The following HCN1 variants were observed in gnomAD, a reference collection of about 807,000 sequenced individuals.
HCN1 encodes the protein hyperpolarization activated cyclic nucleotide gated potassium channel 1, also known as potassium/sodium hyperpolarization-activated cyclic nucleotide-gated channel 1.
A neutral mutation model predicts 78.9 loss-of-function variants in HCN1; 13 were observed. The observed-to-expected ratio is 0.16, with a 90% CI of 0.11 to 0.26. The LOEUF is 0.26. Ranked by LOEUF, HCN1 falls within the 10% of genes least tolerant of loss-of-function variation. HCN1 has a pLI of 1.00. For synonymous variants in HCN1, 552 were observed against 455.5 expected, an observed-to-expected ratio of 1.21 and a Z score of -2.70; for missense variants, 810 against 1,154.3, an observed-to-expected ratio of 0.70 and a Z score of 4.32.
intron 6 of HCN1, among the ~76,000 whole-genome samples, chr5:45,275,137 T>C (rs1745030122): frequency 6.6e-6 from 1 of 152,002 alleles, no homozygotes; most frequent in Non-Finnish European, 1.5e-5. Context: ...CTCCAGCTAC[T>C]TGGGAGGCTG....
At chr5:45,473,288 A>C (rs1579916875) in intron 2 of HCN1, among the ~76,000 whole-genome samples, 1 of 151,910 alleles carries the variant, frequency 6.6e-6, no homozygotes, top group Admixed American at 6.6e-5. Flanking sequence ...AACATCAACT[A>C]TGTTTCCTAT....
intron 5 of HCN1, among the ~76,000 whole-genome samples, chr5:45,324,600 T>A (rs1346492180): frequency 1.3e-5 from 2 of 151,848 alleles, no homozygotes; most frequent in Non-Finnish European, 2.9e-5. Context: ...AATATTTATT[T>A]ATAACTTGAA....
intron 2 of HCN1, among the ~76,000 whole-genome samples, chr5:45,496,892 G>A (rs1183259147): frequency 6.6e-6 from 1 of 152,034 alleles, no homozygotes; most frequent in East Asian, 1.9e-4. Flanking sequence ...CAGAGATTCT[G>A]GTATACTCTG....
intron 5 of HCN1, among the ~76,000 whole-genome samples, chr5:45,309,120 T>C (rs910218523): frequency 1.3e-5 from 2 of 152,154 alleles, no homozygotes; most frequent in African/African-American, 4.8e-5. Context: ...TGATTCCTTT[T>C]GTGGCAATTG....
chr5:45,437,405 G>A (rs1740578547), intron 3 of HCN1, among the ~76,000 whole-genome samples: 1 of 152,094 alleles, frequency 6.6e-6, no homozygotes, highest in African/African-American at 2.4e-5. Context: ...TTTCTTTATA[G>A]ATAATGAAAG....
chr5:45,281,135 A>G (rs1354257611), intron 6 of HCN1, among the ~76,000 whole-genome samples: 2 of 152,082 alleles, frequency 1.3e-5, no homozygotes, highest in African/African-American at 4.8e-5. Context: ...GTATGTTGAT[A>G]TGGTTTGGCT....
chr5:45,440,420 A>G (rs1740647349), intron 3 of HCN1, among the ~76,000 whole-genome samples: 1 of 152,210 alleles, frequency 6.6e-6, no homozygotes, highest in Admixed American at 6.5e-5. Context: ...TTTAAATTAT[A>G]TTCATAGCTG....
In HCN1 at chr5:45,303,853, G is replaced by C. The variant is rs374054078; in HGVS notation, c.1378-14C>G. The C allele has an allele frequency of 7.5e-6, 12 of 1,608,084 alleles. No homozygotes were observed. The highest frequency in any genetic ancestry group is 1.0e-5 in the Non-Finnish European group (12 of 1,174,828). The stretch of plus-strand genomic sequence containing the variant: ...GTTGACTATCTCCTAAAGATGTCAA[G>C]AGTAAACAAATATTAAGAGAGATAT... On this transcript the variant is annotated splice_polypyrimidine_tract_variant and intron_variant, in intron 5 of 7. Transcript: ENST00000303230.
At chr5:45,430,828 A>C (rs947002102) in intron 3 of HCN1, among the ~76,000 whole-genome samples, 1 of 152,116 alleles carries the variant, frequency 6.6e-6, no homozygotes, top group African/African-American at 2.4e-5. Flanking sequence ...CCTCAAAAAA[A>C]AGAAAAATTA....
intron 4 of HCN1, among the ~76,000 whole-genome samples, chr5:45,372,870 G>T (rs1487586883): frequency 2.8e-5 from 4 of 140,796 alleles, no homozygotes; most frequent in African/African-American, 1.0e-4. Context: ...ACAAAAATAT[G>T]TACGTATTCT....
At chr5:45,579,269 A>G (rs1744009405) in intron 2 of HCN1, among the ~76,000 whole-genome samples, 1 of 151,994 alleles carries the variant, frequency 6.6e-6, no homozygotes, top group East Asian at 1.9e-4. Context: ...TTAATAGCTG[A>G]CTCAGATCAG....
At chr5:45,548,558 T>C (rs1743281214) in intron 2 of HCN1, among the ~76,000 whole-genome samples, 1 of 152,082 alleles carries the variant, frequency 6.6e-6, no homozygotes, top group South Asian at 2.1e-4. Flanking sequence ...GGCAAAAAAC[T>C]GGAAGCATTC....
intron 2 of HCN1, among the ~76,000 whole-genome samples, chr5:45,620,679 A>T (rs1056724233): frequency 6.6e-6 from 1 of 152,010 alleles, no homozygotes; most frequent in Non-Finnish European, 1.5e-5. Context: ...AGCAAATCTC[A>T]GCAAAATTCC....
rs966323126 is a variant in HCN1 at position 45,592,478 on chromosome 5, C to T, written c.849+52707G>A. Among the ~76,000 whole-genome samples the T allele has an allele frequency of 4.6e-5, 7 of 152,142 alleles. No homozygotes were observed. In the East Asian group the frequency reaches 1.4e-3, roughly 29 times the overall value. The stretch of plus-strand genomic sequence containing the variant: ...ACAAATAATAGATGATACTAATTAG[C>T]TATTGATTTTCAATTAATCTATGTA... On this transcript the variant is annotated intron_variant, in intron 2 of 7. Coordinates refer to ENST00000303230, the MANE Select transcript of HCN1 (RefSeq NM_021072.4).
intron 1 of HCN1, among the ~76,000 whole-genome samples, chr5:45,684,704 T>C (rs953668894): frequency 3.9e-5 from 6 of 152,014 alleles, no homozygotes; most frequent in South Asian, 2.1e-4. Flanking sequence ...CTACTGAAAA[T>C]ACAAAAACTA....
chr5:45,489,977 C>G (rs542176092), intron 2 of HCN1, among the ~76,000 whole-genome samples: 1 of 152,224 alleles, frequency 6.6e-6, no homozygotes, highest in South Asian at 2.1e-4. Context: ...TATGAGTATG[C>G]CCCAAATACT....
intron 7 of HCN1, among the ~76,000 whole-genome samples, chr5:45,266,745 C>T (rs984873618): frequency 6.7e-6 from 1 of 149,856 alleles, no homozygotes; most frequent in Non-Finnish European, 1.5e-5. Flanking sequence ...GTTTCACTCT[C>T]TCTCCCAGAC....
chr5:45,265,831 A>G (rs1007433839), intron 7 of HCN1, among the ~76,000 whole-genome samples: 1 of 152,184 alleles, frequency 6.6e-6, no homozygotes, highest in South Asian at 2.1e-4. Flanking sequence ...CATGAGCTCT[A>G]CATTGACAAA....
chr5:45,500,808 A>G (rs1396697324), intron 2 of HCN1, among the ~76,000 whole-genome samples: 2 of 152,204 alleles, frequency 1.3e-5, no homozygotes, highest in African/African-American at 2.4e-5. Flanking sequence ...GAAAAAAATA[A>G]TGTCTGTTGA....
Sources: gnomAD v4.1 joint callset for allele counts (sites outside exome capture counted in the v4.1 genomes callset) on GRCh38, gnomAD v4.1.1 for gene constraint, MANE v1.5 for transcripts, NCBI Gene and HGNC (gene_info 2026-07-23, HGNC 2026-07-21) for gene names.